The following MAGI1 variants were observed in gnomAD, a reference collection of about 807,000 sequenced individuals.
The protein encoded by MAGI1 is membrane associated guanylate kinase, WW and PDZ domain containing 1.
MAGI1 carries 58 observed loss-of-function variants against 139.9 expected under a neutral mutation model. That is an observed-to-expected ratio of 0.41 (90% CI 0.34 to 0.52). The LOEUF (loss-of-function observed/expected upper bound fraction) is 0.52. Ranked by LOEUF, MAGI1 falls within the 20% of genes least tolerant of loss-of-function variation. The pLI is 0.12. For synonymous variants in MAGI1, 812 were observed against 737.9 expected, an observed-to-expected ratio of 1.10 and a Z score of -1.63; for missense variants, 1,874 against 1,901.6, an observed-to-expected ratio of 0.99 and a Z score of 0.27.
chr3:65,631,925 T>G (rs920132924), intron 1 of MAGI1, among the ~76,000 whole-genome samples: 2 of 151,036 alleles, frequency 1.3e-5, no homozygotes, highest in African/African-American at 4.9e-5. Flanking sequence ...CTTGGGAGAC[T>G]AAGGCAGGAG....
At chr3:65,715,613 T>A (rs1163377984) in intron 1 of MAGI1, among the ~76,000 whole-genome samples, 1 of 152,104 alleles carries the variant, frequency 6.6e-6, no homozygotes, top group Non-Finnish European at 1.5e-5. Context: ...AAAAGACACG[T>A]ACACACAAGC....
chr3:65,507,335 T>A (rs1044302589), intron 2 of MAGI1, among the ~76,000 whole-genome samples: 4 of 152,200 alleles, frequency 2.6e-5, no homozygotes, highest in Admixed American at 2.6e-4. Context: ...GGGTTTTAGA[T>A]TTGGCATCAA....
At chr3:65,679,254 C>A (rs1168724147) in intron 1 of MAGI1, among the ~76,000 whole-genome samples, 2 of 152,196 alleles carry the variant, frequency 1.3e-5, no homozygotes, top group African/African-American at 4.8e-5. Context: ...TACAGTGAGA[C>A]AGGTCTTAAA....
At chr3:65,508,068 A>T (rs1430634890) in intron 2 of MAGI1, among the ~76,000 whole-genome samples, 1 of 152,168 alleles carries the variant, frequency 6.6e-6, no homozygotes, top group Non-Finnish European at 1.5e-5. Flanking sequence ...ATACTATATG[A>T]GGTATCAACG....
Position 65,383,556 on chromosome 3 carries a change from C to A in MAGI1, c.2484G>T (p.Leu828=), listed in dbSNP as rs1263951911. ...CAGGTTCCCCTGGTTCATTTCCACC[C>A]AGAATCCTAAATCCAAATCCAGTCT... The part of the protein sequence containing the change: ...RKETGFGFRI[L]GGNEPGEPIY... The change falls in exon 15 of 23, where the codon CTG becomes CTT. Residue 828 remains leucine, a synonymous_variant. Transcript: ENST00000402939. 1.2e-6 allele frequency: 2 copies of A among 1,613,682 alleles called. No individual in the cohort carries two copies. The highest frequency in any genetic ancestry group is 2.2e-5 in the South Asian group (2 of 91,068).
At chr3:65,992,571 C>A (rs1325887211) in intron 1 of MAGI1, among the ~76,000 whole-genome samples, 10 of 152,212 alleles carry the variant, frequency 6.6e-5, no homozygotes, top group Admixed American at 2.6e-4. Flanking sequence ...TCCAAGGACC[C>A]TTCCAAGGGG....
chr3:65,582,966 G>A (rs529210559), intron 2 of MAGI1, among the ~76,000 whole-genome samples: 4 of 152,144 alleles, frequency 2.6e-5, no homozygotes, highest in East Asian at 1.9e-4. Flanking sequence ...TTTAAGTTAC[G>A]TAATGTTAAA....
intron 1 of MAGI1, among the ~76,000 whole-genome samples, chr3:65,766,440 C>A (rs1002473220): frequency 1.2e-4 from 19 of 152,026 alleles, no homozygotes; most frequent in African/African-American, 4.1e-4. Context: ...AACTACGTTG[C>A]AAGGGATTGT....
At chr3:65,719,762 G>A (rs111796660) in intron 1 of MAGI1, among the ~76,000 whole-genome samples, 2,921 of 152,106 alleles carry the variant, frequency 0.019, 85 homozygotes, top group African/African-American at 0.066. Flanking sequence ...GGCCAGGCTG[G>A]TCTCAAACTC....
At chr3:65,672,196 C>CA in intron 1 of MAGI1, among the ~76,000 whole-genome samples, 1 of 152,154 alleles carries the variant, frequency 6.6e-6, no homozygotes, top group Non-Finnish European at 1.5e-5. Context: ...GAAATGCTTT[C>CA]ATGTCATTTA....
intron 7 of MAGI1, among the ~76,000 whole-genome samples, chr3:65,445,952 G>C (rs1205347899): frequency 6.6e-6 from 1 of 152,204 alleles, no homozygotes; most frequent in Non-Finnish European, 1.5e-5. Flanking sequence ...TGAGCAGTGA[G>C]CTTGTCAACA....
intron 1 of MAGI1, among the ~76,000 whole-genome samples, chr3:65,774,239 A>T (rs1389017817): frequency 6.6e-6 from 1 of 152,188 alleles, no homozygotes; most frequent in Non-Finnish European, 1.5e-5. Context: ...ACAAGCAAAG[A>T]AGTCCTGAGC....
chr3:66,026,224 C>T (rs2068253135), intron 1 of MAGI1, among the ~76,000 whole-genome samples: 1 of 151,988 alleles, frequency 6.6e-6, no homozygotes, highest in South Asian at 2.1e-4. Context: ...CCTTCCACGG[C>T]CACATTACAT....
chr3:65,577,383 A>G (rs988389069), intron 2 of MAGI1, among the ~76,000 whole-genome samples: 16 of 152,234 alleles, frequency 1.1e-4, no homozygotes, highest in African/African-American at 3.9e-4. Context: ...GGACTGAGCC[A>G]TATCAAAGCC....
intron 18 of MAGI1, among the ~76,000 whole-genome samples, chr3:65,368,325 T>A (rs1437717039): frequency 6.6e-6 from 1 of 152,210 alleles, no homozygotes; most frequent in Non-Finnish European, 1.5e-5. Flanking sequence ...ACATCCTTTA[T>A]TAAACAGTGT....
At chr3:65,623,355 ATAT>A (rs1225134344) in intron 1 of MAGI1, among the ~76,000 whole-genome samples, 3 of 152,188 alleles carry the variant, frequency 2.0e-5, no homozygotes, top group African/African-American at 4.8e-5. Flanking sequence ...AAAGCTAAAA[ATAT>A]TATATTATCA....
chr3:65,995,176 CA>C (rs561078724), intron 1 of MAGI1, among the ~76,000 whole-genome samples: 91 of 152,324 alleles, frequency 6.0e-4, no homozygotes, highest in Middle Eastern at 3.4e-3. Context: ...ATGAGTCACT[CA>C]GCCTTGGCTT....
chr3:65,481,877 A>G (rs887506151), intron 3 of MAGI1, among the ~76,000 whole-genome samples: 16 of 152,362 alleles, frequency 1.1e-4, no homozygotes, highest in African/African-American at 3.4e-4. Context: ...TTAATAAATG[A>G]TTAGCAGATT....
intron 1 of MAGI1, among the ~76,000 whole-genome samples, chr3:65,626,722 C>T (rs558686745): frequency 1.6e-4 from 25 of 152,264 alleles, no homozygotes; most frequent in Middle Eastern, 3.4e-3. Context: ...CTAAAACTCC[C>T]CTCTACTGCA....
Sources: gnomAD v4.1 joint callset for allele counts (sites outside exome capture counted in the v4.1 genomes callset) on GRCh38, gnomAD v4.1.1 for gene constraint, MANE v1.5 for transcripts, NCBI Gene and HGNC (gene_info 2026-07-23, HGNC 2026-07-21) for gene names.